Variants in UBE2E3 observed in about 807,000 individuals in gnomAD.
The protein encoded by UBE2E3 is ubiquitin-conjugating enzyme E2 E3.
UBE2E3 carries 5 observed loss-of-function variants against 23.6 expected under a neutral mutation model. That is an observed-to-expected ratio of 0.21 (90% CI 0.11 to 0.44). The LOEUF is 0.44. UBE2E3 is among the 20% of genes least tolerant of loss of function. The probability of loss-of-function intolerance (pLI) is 0.99; values close to 1 mark genes in which losing one functional copy is unlikely to be tolerated. For missense variants in UBE2E3, 81 were observed against 249.8 expected, an observed-to-expected ratio of 0.32 and a Z score of 4.55; for synonymous variants, 78 against 87.5, an observed-to-expected ratio of 0.89 and a Z score of 0.60.
At chr2:180,990,112 C>G (rs1559112457) in intron 3 of UBE2E3, 4 of 957,510 alleles carry the variant, frequency 4.2e-6, no homozygotes, top group Non-Finnish European at 5.9e-6. Context: ...AACTTTTAAC[C>G]TTTCTTTTGC....
At chr2:181,030,934 T>C (rs1393709182) in intron 3 of UBE2E3, among the ~76,000 whole-genome samples, 3 of 152,192 alleles carry the variant, frequency 2.0e-5, no homozygotes, top group African/African-American at 7.2e-5. Flanking sequence ...ATTGACACTA[T>C]TTTGTGTTTG....
intron 3 of UBE2E3, among the ~76,000 whole-genome samples, chr2:180,986,874 T>A (rs553210877): frequency 6.6e-6 from 1 of 152,224 alleles, no homozygotes; most frequent in East Asian, 1.9e-4. Context: ...TTATTCAGAC[T>A]GGGATGATTT....
At chr2:181,060,934 A>C in intron 5 of UBE2E3, 122 bp downstream of exon 5, 1 of 1,026,758 alleles carries the variant, frequency 9.7e-7, no homozygotes, top group South Asian at 2.3e-5. Flanking sequence ...ATTCATAGAA[A>C]GATCCCCATA....
intron 3 of UBE2E3, among the ~76,000 whole-genome samples, chr2:181,011,710 T>A (rs1685334339): frequency 6.6e-6 from 1 of 152,188 alleles, no homozygotes. Context: ...CTGTAACAAT[T>A]TAATCATTCA....
intron 4 of UBE2E3, among the ~76,000 whole-genome samples, chr2:181,058,986 C>A (rs190683066): frequency 8.2e-4 from 124 of 151,700 alleles, no homozygotes; most frequent in Admixed American, 2.3e-3. Flanking sequence ...TCCTGGACAC[C>A]TTTTAATGAA....
At chr2:181,008,342 C>G (rs1685213146) in intron 3 of UBE2E3, among the ~76,000 whole-genome samples, 1 of 152,156 alleles carries the variant, frequency 6.6e-6, no homozygotes, top group Non-Finnish European at 1.5e-5. Flanking sequence ...GGTGAGAAAA[C>G]TGAGGTACAG....
At chr2:181,012,460 G>T (rs999509899) in intron 3 of UBE2E3, among the ~76,000 whole-genome samples, 3 of 152,072 alleles carry the variant, frequency 2.0e-5, no homozygotes, top group Non-Finnish European at 2.9e-5. Flanking sequence ...TGGCTAGGTG[G>T]GTGTACACAC....
chr2:181,001,813 T>C (rs761832251), intron 3 of UBE2E3, among the ~76,000 whole-genome samples: 1 of 152,204 alleles, frequency 6.6e-6, no homozygotes, highest in Non-Finnish European at 1.5e-5. Flanking sequence ...GCAGTTCACC[T>C]TTCATATCTG....
chr2:181,014,226 G>A lies in UBE2E3; in HGVS notation c.245+30133G>A, dbSNP rs1048990276. On this transcript the variant is annotated intron_variant, in intron 3 of 5. Coordinates refer to ENST00000410062, the MANE Select transcript of UBE2E3 (RefSeq NM_006357.4). ...TGTTTTCAATGGTTGTGGTTGTGGT[G>A]GGTGGGGGAACATTTTAAGTTCATT... 2.0e-5 allele frequency among the ~76,000 whole-genome samples: 3 copies of A among 152,126 alleles called. No individual in the cohort carries two copies. The East Asian group carries it at 5.8e-4, about 29-fold the overall frequency.
At position 180,993,431 on chromosome 2, in the gene UBE2E3, C is replaced by A. The variant is rs532280687; in HGVS notation, c.245+9338C>A. Among the ~76,000 whole-genome samples, 4 of 152,268 alleles carry A rather than the reference C, an allele frequency of 2.6e-5. No homozygotes were observed. The East Asian group carries it at 7.7e-4, about 29-fold the overall frequency. Reference sequence around the variant, plus strand: ...AAATATACTCTGTCATTCTGTTTAACTTCCAGCTTGTCTGGGGAAAAATAA... The same window carrying A: ...AAATATACTCTGTCATTCTGTTTAAATTCCAGCTTGTCTGGGGAAAAATAA... On this transcript the variant is annotated intron_variant, in intron 3 of 5. Coordinates refer to ENST00000410062, the MANE Select transcript of UBE2E3 (RefSeq NM_006357.4).
chr2:180,989,015 C>T (rs1011231343), intron 3 of UBE2E3, among the ~76,000 whole-genome samples: 3 of 152,004 alleles, frequency 2.0e-5, no homozygotes, highest in Middle Eastern at 3.2e-3. Flanking sequence ...TTTTTCATCC[C>T]ATTATGCCGT....
Position 181,060,691 on chromosome 2 carries a change from C to T in UBE2E3, c.405C>T (p.His135=), listed in dbSNP as rs776352798. 1 of 1,608,632 alleles carries T rather than the reference C, an allele frequency of 6.2e-7. No individual in the cohort carries two copies. The highest frequency in any genetic ancestry group is 2.2e-5 in the East Asian group (1 of 44,706). Residue 135 remains histidine, a synonymous_variant, in exon 5 of 6, where the codon CAC becomes CAT. Coordinates refer to ENST00000410062, the MANE Select transcript of UBE2E3 (RefSeq NM_006357.4). Reference sequence around the variant, plus strand: ...TTACTTTCCGCACCAGAATCTATCACTGCAACATCAACAGTCAGGGAGTCA... The same window carrying T: ...TTACTTTCCGCACCAGAATCTATCATTGCAACATCAACAGTCAGGGAGTCA... ...PKVTFRTRIY[H]CNINSQGVIC...
At chr2:180,997,327 A>G (rs1684855346) in intron 3 of UBE2E3, among the ~76,000 whole-genome samples, 1 of 147,904 alleles carries the variant, frequency 6.8e-6, no homozygotes, top group Admixed American at 6.7e-5. Context: ...CTTTCATTTT[A>G]TTTTAGAAAG....
At chr2:181,019,198 G>A (rs756290635) in intron 3 of UBE2E3, among the ~76,000 whole-genome samples, 1 of 152,146 alleles carries the variant, frequency 6.6e-6, no homozygotes, top group African/African-American at 2.4e-5. Context: ...GACCTCAAGG[G>A]ATCCACCTGC....
At chr2:181,033,195 G>A (rs1285947397) in intron 3 of UBE2E3, among the ~76,000 whole-genome samples, 1 of 152,032 alleles carries the variant, frequency 6.6e-6, no homozygotes, top group Admixed American at 6.6e-5. Context: ...AGTTCATATG[G>A]CACCAAAAAA....
In UBE2E3 at chr2:181,063,215, T is replaced by C. The variant is rs1021511896; in HGVS notation, c.*327T>C. 6.2e-6 allele frequency: 1 copy of C among 161,266 alleles called. No individual in the cohort carries two copies. The highest frequency in any genetic ancestry group is 2.4e-5 in the African/African-American group (1 of 41,804). 10.0% of individuals were successfully genotyped at this position (161,266 alleles called of 1,614,324 possible). On this transcript the variant is annotated 3_prime_UTR_variant, in exon 6 of 6. Transcript: ENST00000410062. The surrounding 1 kb of genome is among the most constrained non-coding windows in gnomAD (Gnocchi z 4.1). ...ATTTTAGCCTAATTCATTATCTGTA[T>C]GAAGTTATAAAAGTAGCTGTAGATG...
At position 181,005,973 on chromosome 2, in the gene UBE2E3, A is replaced by G. The variant is rs140114827; in HGVS notation, c.245+21880A>G. ...GTAGCCCAGATTTTGGCTCATGTGT[A>G]TAATTATAGCTAAGCCAAGAGCTGC... is the stretch of plus-strand genomic sequence containing the variant. On this transcript the variant is annotated intron_variant, in intron 3 of 5. Coordinates refer to ENST00000410062, the MANE Select transcript of UBE2E3 (RefSeq NM_006357.4). Among the ~76,000 whole-genome samples the G allele has an allele frequency of 2.3e-3, 357 of 152,304 alleles. 1 individual carries two copies. Among genetic ancestry groups the G allele is most frequent in the African/African-American group, 8.3e-3 (344 of 41,568 alleles).
chr2:180,988,568 T>C (rs897197489), intron 3 of UBE2E3, among the ~76,000 whole-genome samples: 2 of 152,188 alleles, frequency 1.3e-5, no homozygotes, highest in African/African-American at 4.8e-5. Flanking sequence ...GTGATTTTAC[T>C]GTGAATGGGA....
intron 3 of UBE2E3, among the ~76,000 whole-genome samples, chr2:181,012,329 G>C (rs1037268370): frequency 6.6e-6 from 1 of 152,078 alleles, no homozygotes; most frequent in Non-Finnish European, 1.5e-5. Context: ...ACAGGGTATT[G>C]GTTAGTTACA....
Sources: gnomAD v4.1 joint callset for allele counts (sites outside exome capture counted in the v4.1 genomes callset) on GRCh38, gnomAD v4.1.1 for gene constraint, Gnocchi (gnomAD v3.1) non-coding constraint, MANE v1.5 for transcripts, NCBI Gene and HGNC (gene_info 2026-07-23, HGNC 2026-07-21) for gene names.